SUGCT: variants seen among roughly 807,000 people sequenced by gnomAD.
SUGCT encodes succinyl-CoA:glutarate CoA-transferase.
A neutral mutation model predicts 55.0 loss-of-function variants in SUGCT; 41 were observed. The ratio of observed to expected loss-of-function variants is 0.74; its 90% CI spans 0.58 to 0.97. The LOEUF (loss-of-function observed/expected upper bound fraction) is 0.97. Ranked by LOEUF, SUGCT falls within the 50% of genes least tolerant of loss-of-function variation. The pLI, the probability that SUGCT is intolerant of heterozygous loss-of-function variation, is 0.00. For missense variants in SUGCT, 568 were observed against 547.8 expected (o/e 1.04, Z -0.37); for synonymous variants, 187 against 200.4 (o/e 0.93, Z 0.56).
At chr7:40,626,038 G>A (rs75288761) in intron 12 of SUGCT, among the ~76,000 whole-genome samples, 2,231 of 152,202 alleles carry the variant, frequency 0.015, 56 homozygotes, top group African/African-American at 0.051. Context: ...AAAAGTCACA[G>A]CATTAGAAAG....
chr7:40,490,921 T>G (rs575802918), intron 11 of SUGCT, among the ~76,000 whole-genome samples: 3 of 152,334 alleles, frequency 2.0e-5, no homozygotes, highest in African/African-American at 7.2e-5. Context: ...TGCTGTGCTA[T>G]TCCATTTTAA....
chr7:40,851,565 C>G (rs1472111389), intron 13 of SUGCT, among the ~76,000 whole-genome samples: 2 of 152,152 alleles, frequency 1.3e-5, no homozygotes, highest in Non-Finnish European at 2.9e-5. Flanking sequence ...GCATATGAAG[C>G]AGTTGAAGCA....
intron 12 of SUGCT, among the ~76,000 whole-genome samples, chr7:40,651,091 T>C (rs1484763075): frequency 2.6e-5 from 4 of 152,356 alleles, no homozygotes; most frequent in African/African-American, 9.6e-5. Context: ...ATGGTGTATA[T>C]GTACCACATT....
chr7:40,902,024 A>G, the SUGCT span, among the ~76,000 whole-genome samples: 1 of 152,164 alleles, frequency 6.6e-6, no homozygotes, highest in Non-Finnish European at 1.5e-5. Flanking sequence ...ACTGGAAGTT[A>G]CTGACATCCT....
intron 9 of SUGCT, among the ~76,000 whole-genome samples, chr7:40,363,339 T>G (rs1798248593): frequency 6.6e-6 from 1 of 152,206 alleles, no homozygotes; most frequent in Non-Finnish European, 1.5e-5. Flanking sequence ...TTTAGTTATT[T>G]CTTGCCTTCT....
chr7:40,566,298 C>G (rs1357639153), intron 12 of SUGCT, among the ~76,000 whole-genome samples: 1 of 152,150 alleles, frequency 6.6e-6, no homozygotes, highest in African/African-American at 2.4e-5. Context: ...CCAGGAAGGG[C>G]CCTGTTTTCA....
chr7:40,900,396 A>G, the SUGCT span, among the ~76,000 whole-genome samples: 1 of 152,374 alleles, frequency 6.6e-6, no homozygotes, highest in South Asian at 2.1e-4. Flanking sequence ...CCTTGTCTAC[A>G]GGATGAACTA....
At chr7:40,772,501 T>C (rs890218969) in intron 13 of SUGCT, among the ~76,000 whole-genome samples, 1 of 39,658 alleles carries the variant, frequency 2.5e-5, no homozygotes, top group Non-Finnish European at 5.9e-5. Flanking sequence ...GAAATATCTA[T>C]CTATCTATCT....
At chr7:40,254,419 CA>C (rs1241765903) in intron 7 of SUGCT, among the ~76,000 whole-genome samples, 10 of 151,796 alleles carry the variant, frequency 6.6e-5, no homozygotes, top group Non-Finnish European at 1.0e-4. Context: ...TATTTTTTTG[CA>C]ACAGTCTTGT....
At chr7:40,760,890 T>A (rs1341972920) in intron 13 of SUGCT, among the ~76,000 whole-genome samples, 1 of 152,192 alleles carries the variant, frequency 6.6e-6, no homozygotes. Context: ...ATAATAAATG[T>A]CCAGTGCTCA....
intron 10 of SUGCT, among the ~76,000 whole-genome samples, chr7:40,458,493 T>G (rs1789607232): frequency 6.6e-6 from 1 of 152,224 alleles, no homozygotes; most frequent in Admixed American, 6.5e-5. Flanking sequence ...ATAGTGATAC[T>G]TCTATAGGAA....
chr7:41,001,389 TA>T, the SUGCT span, among the ~76,000 whole-genome samples: 1 of 151,948 alleles, frequency 6.6e-6, no homozygotes, highest in South Asian at 2.1e-4. Context: ...ACTAGAGATA[TA>T]GGGGGAATAG....
chr7:40,407,254 A>T (rs183664986), intron 9 of SUGCT, among the ~76,000 whole-genome samples: 1 of 152,136 alleles, frequency 6.6e-6, no homozygotes, highest in Non-Finnish European at 1.5e-5. Context: ...GATTGGCTCT[A>T]TGAATAGAAA....
At chr7:40,861,669 A>G (rs1794488048), downstream of SUGCT, among the ~76,000 whole-genome samples, 1 of 152,250 alleles carries the variant, frequency 6.6e-6, no homozygotes, top group Non-Finnish European at 1.5e-5. Flanking sequence ...TGAGTCATTA[A>G]TCTATGCTGT....
intron 12 of SUGCT, among the ~76,000 whole-genome samples, chr7:40,583,049 T>C (rs1797187577): frequency 6.6e-6 from 1 of 152,240 alleles, no homozygotes; most frequent in African/African-American, 2.4e-5. Flanking sequence ...ACACAAAAAC[T>C]AGCAGCTCAA....
intron 12 of SUGCT, among the ~76,000 whole-genome samples, chr7:40,524,744 A>G (rs1793717509): frequency 6.6e-6 from 1 of 152,172 alleles, no homozygotes; most frequent in Non-Finnish European, 1.5e-5. Context: ...TGGCTTCCGT[A>G]GTTTTTTAAT....
chr7:40,943,840 C>T, the SUGCT span, among the ~76,000 whole-genome samples: 171 of 151,894 alleles, frequency 1.1e-3, no homozygotes, highest in Middle Eastern at 6.8e-3. Context: ...TTCTAGATCC[C>T]TGAGGAATCA....
chr7:40,224,820 G>T (rs1301869194), intron 6 of SUGCT, among the ~76,000 whole-genome samples: 1 of 152,152 alleles, frequency 6.6e-6, no homozygotes, highest in Non-Finnish European at 1.5e-5. Flanking sequence ...GGATGTTGAT[G>T]TTCCAAGTAG....
At chr7:40,972,097 A>G in the SUGCT span, among the ~76,000 whole-genome samples, 3 of 152,126 alleles carry the variant, frequency 2.0e-5, no homozygotes, top group Non-Finnish European at 2.9e-5. Context: ...ATGTGTTTAT[A>G]TAAAAGTGGT....
Sources: gnomAD v4.1 joint callset for allele counts (sites outside exome capture counted in the v4.1 genomes callset) on GRCh38, gnomAD v4.1.1 for gene constraint, MANE v1.5 for transcripts, NCBI Gene and HGNC (gene_info 2026-07-23, HGNC 2026-07-21) for gene names.